PCDHA3: variants seen among roughly 807,000 people sequenced by gnomAD.
PCDHA3 encodes the protein protocadherin alpha 3.
In PCDHA3, 41 loss-of-function variants were observed where a neutral mutation model predicts 62.2. That is an observed-to-expected ratio of 0.66 (90% confidence interval 0.51 to 0.86). The LOEUF is 0.86. Among genes scored for constraint, PCDHA3 ranks in the 40% least tolerant of loss-of-function variants. The pLI, the probability that PCDHA3 is intolerant of heterozygous loss-of-function variation, is 0.00. For missense variants in PCDHA3, 1,304 were observed against 1,241.2 expected (o/e 1.05, Z -0.76); for synonymous variants, 640 against 555.4 (o/e 1.15, Z -2.14).
intron 1 of PCDHA3, chr5:140,884,468 C>T (rs925441051): frequency 2.5e-6 from 4 of 1,613,762 alleles, no homozygotes; most frequent in Non-Finnish European, 3.4e-6. Flanking sequence ...CGCGTGCGCG[C>T]CGGGCAAGCC....
At chr5:140,836,028 G>T (rs2150251055) in intron 1 of PCDHA3, 61 of 1,613,392 alleles carry the variant, frequency 3.8e-5, no homozygotes, top group Non-Finnish European at 4.9e-5. Flanking sequence ...GGGCAGCAAC[G>T]TGACGCTGCA....
intron 3 of PCDHA3, among the ~76,000 whole-genome samples, chr5:140,984,330 A>C (rs2097097334): frequency 6.6e-6 from 1 of 152,204 alleles, no homozygotes; most frequent in Admixed American, 6.5e-5. Context: ...CAAATGTGGA[A>C]TAGGAACCAT....
intron 1 of PCDHA3, chr5:140,859,459 C>A (rs1379028308): frequency 9.2e-6 from 2 of 216,756 alleles, no homozygotes; most frequent in Non-Finnish European, 1.8e-5. Context: ...AGTGACAAAA[C>A]TACACTATCA....
Position 140,835,022 on chromosome 5 carries a change from G to A in PCDHA3, c.2394+31431G>A. ...CTCCGGAGCTTCATTTATTGCTCACGGCCACCGATGGAGGCAAACCCGAGC... is the reference window on the plus strand; with the variant it reads ...CTCCGGAGCTTCATTTATTGCTCACAGCCACCGATGGAGGCAAACCCGAGC... On this transcript the variant is annotated intron_variant, in intron 1 of 3. Coordinates refer to ENST00000522353, the MANE Select transcript of PCDHA3 (RefSeq NM_018906.3). 3 of 1,341,264 alleles carry A rather than the reference G, an allele frequency of 2.2e-6. No individual in the cohort carries two copies. The South Asian group carries it at 4.2e-5, about 19-fold the overall frequency. 83.1% of individuals were successfully genotyped at this position (1,341,264 alleles called of 1,614,324 possible). A position where few individuals can be genotyped will look rare whatever the true frequency, so the allele number is the denominator to read the frequency against.
intron 1 of PCDHA3, among the ~76,000 whole-genome samples, chr5:140,903,309 A>C (rs1435676177): frequency 6.6e-6 from 1 of 152,226 alleles, no homozygotes; most frequent in Non-Finnish European, 1.5e-5. Context: ...GTATACAATA[A>C]AGACAGCATT....
At chr5:140,870,122 T>G in intron 1 of PCDHA3, 1 of 1,613,956 alleles carries the variant, frequency 6.2e-7, no homozygotes. Flanking sequence ...GTGGAAATCT[T>G]GGACACCAAC....
chr5:140,850,794 A>G, intron 1 of PCDHA3: 2 of 1,598,296 alleles, frequency 1.3e-6, no homozygotes, highest in Non-Finnish European at 1.7e-6. Context: ...TAAGCAGAAG[A>G]CCGACCTCAT....
chr5:140,853,171 G>A lies in PCDHA3; in HGVS notation c.2394+49580G>A, dbSNP rs2150529478. On this transcript the variant is annotated intron_variant, in intron 1 of 3. Coordinates refer to ENST00000522353, the MANE Select transcript of PCDHA3 (RefSeq NM_018906.3). ...TGGGATTACAGGCGTGAGCCACCGC[G>A]CCTGGCCTAAAATGTGTTCTTTATT... 22 of 965,136 alleles carry A rather than the reference G, an allele frequency of 2.3e-5. 1 individual carries two copies. Among genetic ancestry groups the A allele is most frequent in the Non-Finnish European group, 2.4e-5 (19 of 799,766 alleles). 59.8% of individuals were successfully genotyped at this position (965,136 alleles called of 1,614,324 possible).
intron 3 of PCDHA3, among the ~76,000 whole-genome samples, chr5:140,997,899 G>T (rs2097789789): frequency 6.6e-6 from 1 of 152,126 alleles, no homozygotes; most frequent in Non-Finnish European, 1.5e-5. Context: ...TAAATTTCAA[G>T]AAGTAGAATT....
At chr5:140,998,211 T>C (rs2097801578) in intron 3 of PCDHA3, among the ~76,000 whole-genome samples, 1 of 152,226 alleles carries the variant, frequency 6.6e-6, no homozygotes. Context: ...TTAATCTGTA[T>C]AACCACACCC....
At chr5:140,824,631 TTA>T (rs1491346501) in intron 1 of PCDHA3, 1,542 of 121,380 alleles carry the variant, frequency 0.013, 302 homozygotes, top group African/African-American at 0.054. Context: ...TTTTTTTTTT[TTA>T]TTTTCTGTAG....
At chr5:140,883,133 G>C in intron 1 of PCDHA3, 1 of 1,614,112 alleles carries the variant, frequency 6.2e-7, no homozygotes, top group Non-Finnish European at 8.5e-7. Flanking sequence ...ATGGCCTGCA[G>C]TGGTATATGC....
rs139450702 is a variant in PCDHA3 at position 140,830,109 on chromosome 5, G to A, written c.2394+26518G>A. The stretch of plus-strand genomic sequence containing the variant: ...GTTCTGGTGTCGCTGGTGGAGAGTG[G>A]CCAGGCTCCAAAGGCGTCATCACGG... On this transcript the variant is annotated intron_variant, in intron 1 of 3. Coordinates refer to ENST00000522353, the MANE Select transcript of PCDHA3 (RefSeq NM_018906.3). The A allele has an allele frequency of 4.0e-5, 65 of 1,613,456 alleles. No homozygotes were observed. The East Asian group carries it at 7.6e-4, about 19-fold the overall frequency.
At chr5:140,821,799 T>C (rs2150110724) in intron 1 of PCDHA3, 28 of 1,612,984 alleles carry the variant, frequency 1.7e-5, no homozygotes, top group Non-Finnish European at 2.4e-5. Flanking sequence ...GGAGAGGAAG[T>C]CTGGGATCCC....
chr5:140,836,986 C>A, intron 1 of PCDHA3: 1 of 355,800 alleles, frequency 2.8e-6, no homozygotes, highest in East Asian at 4.9e-5. Context: ...TGGAGGAGGA[C>A]TTTGCTAACT....
chr5:140,926,351 C>T (rs1301072681), intron 1 of PCDHA3: 2 of 152,276 alleles, frequency 1.3e-5, no homozygotes, highest in African/African-American at 4.8e-5. Flanking sequence ...CGACGCGCGG[C>T]TCCCAAAGGG....
intron 1 of PCDHA3, among the ~76,000 whole-genome samples, chr5:140,907,826 C>T (rs1448630927): frequency 6.6e-6 from 1 of 152,192 alleles, no homozygotes; most frequent in Non-Finnish European, 1.5e-5. Context: ...TCATCCTATC[C>T]ACTTGTTTAT....
rs2045073152 is a variant in PCDHA3 at position 140,857,980 on chromosome 5, G to T, written c.2394+54389G>T. ...TGGATGAGACTGACTCGCCACGCCA[G>T]CGCCTACTGGTGCTGGTGAAGGACC... On this transcript the variant is annotated intron_variant, in intron 1 of 3. Coordinates refer to ENST00000522353, the MANE Select transcript of PCDHA3 (RefSeq NM_018906.3). The T allele has an allele frequency of 1.3e-6, 2 of 1,597,100 alleles. 1 individual carries two copies. Among genetic ancestry groups the T allele is most frequent in the Non-Finnish European group, 1.7e-6 (2 of 1,167,294 alleles).
chr5:140,852,885 ATTT>A, intron 1 of PCDHA3: 4 of 778,030 alleles, frequency 5.1e-6, no homozygotes, highest in Non-Finnish European at 6.3e-6. Flanking sequence ...CATAAAACGT[ATTT>A]TTTTTTTTGA....
Sources: allele counts gnomAD v4.1 joint callset (sites outside exome capture counted in the v4.1 genomes callset), GRCh38; gene constraint gnomAD v4.1.1; transcripts MANE v1.5; gene names NCBI Gene and HGNC (gene_info 2026-07-23, HGNC 2026-07-21).